SLC29A4: variants seen among roughly 807,000 people sequenced by gnomAD.
The protein encoded by SLC29A4 is equilibrative nucleoside transporter 4.
Under a neutral mutation model 43.9 loss-of-function variants are expected in SLC29A4, and 36 were observed. The observed-to-expected ratio is 0.82, with a 90% CI of 0.63 to 1.08. The LOEUF is 1.08. SLC29A4 is among the 50% of genes least tolerant of loss of function. The probability of loss-of-function intolerance (pLI) is 0.00; values close to 1 mark genes in which losing one functional copy is unlikely to be tolerated. For missense variants in SLC29A4, 869 were observed against 755.3 expected (o/e 1.15, Z -1.77); for synonymous variants, 491 against 338.0 (o/e 1.45, Z -4.97).
intron 1 of SLC29A4, among the ~76,000 whole-genome samples, chr7:5,284,767 A>G (rs888302668): frequency 6.6e-6 from 1 of 152,122 alleles, no homozygotes; most frequent in African/African-American, 2.4e-5. Flanking sequence ...CAAGCCGGGC[A>G]GTGTGGGTGG....
At position 5,306,664 on chromosome 7, in the gene SLC29A4, C is replaced by T. The variant is rs539675465; in HGVS notation, c.*3725C>T. Reference sequence around the variant, plus strand: ...GCTCATTTAGATGGCTGCATGGGGTCACCGCCCCTGCACGCGTGGCACCCA... The same window carrying T: ...GCTCATTTAGATGGCTGCATGGGGTTACCGCCCCTGCACGCGTGGCACCCA... On this transcript the variant is annotated 3_prime_UTR_variant, in exon 11 of 11. Transcript: ENST00000396872. 1 of 152,256 alleles carries T rather than the reference C, an allele frequency of 6.6e-6. No individual in the cohort carries two copies. The highest frequency in any genetic ancestry group is 1.9e-4 in the East Asian group (1 of 5,168). 9.4% of individuals were successfully genotyped at this position (152,256 alleles called of 1,614,324 possible).
Position 5,291,169 on chromosome 7 carries a change from C to T in SLC29A4, c.347C>T (p.Ala116Val), listed in dbSNP as rs757442875. Residue 116 changes from alanine to valine, a missense_variant, in exon 4 of 11, where the codon GCA becomes GTA. Ala to Val is a moderately conservative substitution (Grantham distance 64). Coordinates refer to ENST00000396872, the MANE Select transcript of SLC29A4 (RefSeq NM_153247.4). ...FDMSLTYILVALAAVLLNNVL... is the reference protein window; with the variant it reads ...FDMSLTYILVVLAAVLLNNVL... The stretch of plus-strand genomic sequence containing the variant: ...ATGAGCCTCACCTACATCTTGGTGG[C>T]ACTGGCAGCTGTCCTCCTGAACAAC... 6 of 1,613,902 alleles carry T rather than the reference C, an allele frequency of 3.7e-6. No individual in the cohort carries two copies. Among genetic ancestry groups the T allele is most frequent in the South Asian group, 1.1e-5 (1 of 91,078 alleles).
intron 5 of SLC29A4, among the ~76,000 whole-genome samples, chr7:5,294,634 T>A (rs1396768768): frequency 6.6e-6 from 1 of 152,140 alleles, no homozygotes; most frequent in Non-Finnish European, 1.5e-5. Context: ...TAGTGACGTG[T>A]CATTTCTGCA....
rs1363763223 is a variant in SLC29A4 at position 5,303,076 on chromosome 7, G to A, written c.*137G>A. On this transcript the variant is annotated 3_prime_UTR_variant, in exon 11 of 11. Coordinates refer to ENST00000396872, the MANE Select transcript of SLC29A4 (RefSeq NM_153247.4). ...GTGCCAGCAGCCCCACTCCCTCAGG[G>A]TCCAGCCATGCCCCACCCTGGACTG... is the stretch of plus-strand genomic sequence containing the variant. 9 of 1,039,844 alleles carry A rather than the reference G, an allele frequency of 8.7e-6. No homozygotes were observed. Among genetic ancestry groups the A allele is most frequent in the Non-Finnish European group, 1.1e-5 (8 of 726,612 alleles). The allele number at this position is 1,039,844 out of a possible 1,614,324, so 64.4% of individuals were successfully genotyped here. A position where few individuals can be genotyped will look rare whatever the true frequency, so the allele number is the denominator to read the frequency against.
At chr7:5,289,529 A>T (rs1240425466) in intron 2 of SLC29A4, among the ~76,000 whole-genome samples, 2 of 152,176 alleles carry the variant, frequency 1.3e-5, no homozygotes, top group African/African-American at 2.4e-5. Context: ...GAAGTCCCCA[A>T]GGTCTCACCT....
In SLC29A4 at chr7:5,303,825, G is replaced by C. The variant is rs1005881955; in HGVS notation, c.*886G>C. On this transcript the variant is annotated 3_prime_UTR_variant, in exon 11 of 11. Transcript: ENST00000396872. ...TCCCTGGAACGTAGGGAGGGGCTGGGGGTCAGTCCAGCCCGGGCCTCCCAG... is the reference window on the plus strand; with the variant it reads ...TCCCTGGAACGTAGGGAGGGGCTGGCGGTCAGTCCAGCCCGGGCCTCCCAG... The C allele has an allele frequency of 6.6e-6, 1 of 152,248 alleles. No homozygotes were observed. Among genetic ancestry groups the C allele is most frequent in the African/African-American group, 2.4e-5 (1 of 41,448 alleles). The allele number at this position is 152,248 out of a possible 1,614,324, so 9.4% of individuals were successfully genotyped here.
At position 5,296,979 on chromosome 7, in the gene SLC29A4, G is replaced by A. The variant is rs1190784223; in HGVS notation, c.663G>A (p.Lys221=). 6.2e-7 allele frequency: 1 copy of A among 1,601,886 alleles called. No individual in the cohort carries two copies. Among genetic ancestry groups the A allele is most frequent in the African/African-American group, 1.3e-5 (1 of 74,764 alleles). ...TCTCTCTGAGCCGCATCCTCACGAAGCTGCTGCTGCCCGACGAGCGCGCCA... is the reference window on the plus strand; with the variant it reads ...TCTCTCTGAGCCGCATCCTCACGAAACTGCTGCTGCCCGACGAGCGCGCCA... ...VMISLSRILT[K]LLLPDERAST... The change falls in exon 7 of 11, where the codon AAG becomes AAA. Residue 221 remains lysine, a synonymous_variant. Coordinates refer to ENST00000396872, the MANE Select transcript of SLC29A4 (RefSeq NM_153247.4).
Position 5,287,987 on chromosome 7 carries a change from TAAG to T in SLC29A4, c.169+3_169+5del, listed in dbSNP as rs1159981271. 1 of 1,605,468 alleles carries T rather than the reference TAAG, an allele frequency of 6.2e-7. No individual in the cohort carries two copies. Among genetic ancestry groups the T allele is most frequent in the Non-Finnish European group, 8.5e-7 (1 of 1,177,084 alleles). ...GCGTCCCAGCTTTCACGGATACTAG[TAAG>T]TAGGCGTGCGGGCAAGGTGCGGGTC... On this transcript the variant is annotated splice_donor_5th_base_variant and intron_variant, in intron 2 of 10. Coordinates refer to ENST00000396872, the MANE Select transcript of SLC29A4 (RefSeq NM_153247.4).
At chr7:5,300,794 G>A (rs1282998005) in intron 10 of SLC29A4, 132 bp downstream of exon 10, 23 of 1,255,884 alleles carry the variant, frequency 1.8e-5, no homozygotes, top group Non-Finnish European at 2.5e-5. Context: ...GTGTCTGGGA[G>A]GCCGTAGGTG....
In SLC29A4 at chr7:5,305,142, A is replaced by G. The variant is rs185090252; in HGVS notation, c.*2203A>G. On this transcript the variant is annotated 3_prime_UTR_variant, in exon 11 of 11. Coordinates refer to ENST00000396872, the MANE Select transcript of SLC29A4 (RefSeq NM_153247.4). ...GTTCTGTCCTTAGCTTCCCCAAGGA[A>G]TGGGGCTGGTCCAGGTTTTGATGTG... 1.3e-5 allele frequency: 2 copies of G among 152,346 alleles called. No homozygotes were observed. The highest frequency in any genetic ancestry group is 1.9e-4 in the East Asian group (1 of 5,180). 9.4% of individuals were successfully genotyped at this position (152,346 alleles called of 1,614,324 possible).
rs1785068149 is a variant in SLC29A4, at chr7:5,288,006, G to C, written c.169+21G>C. On this transcript the variant is annotated intron_variant, in intron 2 of 10. Coordinates refer to ENST00000396872, the MANE Select transcript of SLC29A4 (RefSeq NM_153247.4). ...TACTAGTAAGTAGGCGTGCGGGCAA[G>C]GTGCGGGTCTTGCCCCAAAGCAGGC... 3 of 1,593,444 alleles carry C rather than the reference G, an allele frequency of 1.9e-6. No individual in the cohort carries two copies. The East Asian group carries it at 6.7e-5, about 36-fold the overall frequency.
chr7:5,298,396 G>T (rs1425859781), intron 7 of SLC29A4, among the ~76,000 whole-genome samples: 1 of 152,152 alleles, frequency 6.6e-6, no homozygotes, highest in Non-Finnish European at 1.5e-5. Flanking sequence ...TTGGAGGAGG[G>T]GAAAAGCAGA....
At chr7:5,301,880 G>C (rs1206061297) in intron 10 of SLC29A4, among the ~76,000 whole-genome samples, 2 of 152,180 alleles carry the variant, frequency 1.3e-5, no homozygotes, top group Non-Finnish European at 2.9e-5. Context: ...TTTGGGACTT[G>C]GTACGTTCCA....
In SLC29A4 at chr7:5,294,879, C is replaced by A; in HGVS notation, c.564C>A (p.Tyr188Ter). 6.2e-7 allele frequency: 1 copy of A among 1,612,138 alleles called. No individual in the cohort carries two copies. The highest frequency in any genetic ancestry group is 1.1e-5 in the South Asian group (1 of 90,980). The change falls in exon 6 of 11, where the codon TAC becomes TAA. Residue 188 changes from tyrosine to a stop codon, truncating the protein, a stop_gained. Coordinates refer to ENST00000396872, the MANE Select transcript of SLC29A4 (RefSeq NM_153247.4). LOFTEE classifies it high-confidence loss of function. ...CTTAAGTGCAGCAATCCAGCTTCTA[C>A]GGGTACACGGGGATGCTGCCCAAGC... The part of the protein sequence containing the change: ...FGCTVQQSSF[Y>*]GYTGMLPKRY...
intron 1 of SLC29A4, among the ~76,000 whole-genome samples, 178 bp downstream of exon 1, chr7:5,283,260 C>T (rs1188267227): frequency 2.6e-5 from 4 of 151,554 alleles, no homozygotes; most frequent in South Asian, 4.1e-4. Context: ...GCGGCCCAGC[C>T]CCCCGCGCCC....
rs1786092987 is a variant in SLC29A4 at position 5,300,641 on chromosome 7, C to T, written c.1429C>T (p.Pro477Ser). ...GATCCTGGCGGCAGGCAAAGTGAGC[C>T]CCAAGCAGCGGGAGCTGGCAGGTGA... ...PMILAAGKVS[P>S]KQRELAGNTM... The change falls in exon 10 of 11, where the codon CCC (proline) becomes TCC (serine). Residue 477 changes from proline (P) to serine (S), a missense_variant. Physicochemically the swap from Pro to Ser is moderately conservative, Grantham distance 74 (BLOSUM62 -1). Coordinates refer to ENST00000396872, the MANE Select transcript of SLC29A4 (RefSeq NM_153247.4). The T allele has an allele frequency of 6.2e-7, 1 of 1,609,386 alleles. No individual in the cohort carries two copies. The highest frequency in any genetic ancestry group is 8.5e-7 in the Non-Finnish European group (1 of 1,178,858).
Position 5,291,210 on chromosome 7 carries a change from C to G in SLC29A4, c.388C>G (p.Leu130Val). 13 of 1,613,082 alleles carry G rather than the reference C, an allele frequency of 8.1e-6. No individual in the cohort carries two copies. Among genetic ancestry groups the G allele is most frequent in the Non-Finnish European group, 1.0e-5 (12 of 1,179,994 alleles). Reference sequence around the variant, plus strand: ...CCTGAACAACGTCCTGGTGGAGAGACTGACCCTGCACACCAGGATCACCGC... The same window carrying G: ...CCTGAACAACGTCCTGGTGGAGAGAGTGACCCTGCACACCAGGATCACCGC... ...VLLNNVLVERLTLHTRITAGY... is the reference protein window; with the variant it reads ...VLLNNVLVERVTLHTRITAGY... Residue 130 changes from leucine to valine, a missense_variant, in exon 4 of 11, where the codon CTG becomes GTG. Physicochemically the swap from Leu to Val is conservative, Grantham distance 32. Coordinates refer to ENST00000396872, the MANE Select transcript of SLC29A4 (RefSeq NM_153247.4).
chr7:5,301,942 C>T (rs558923176), intron 10 of SLC29A4, among the ~76,000 whole-genome samples: 4 of 151,872 alleles, frequency 2.6e-5, no homozygotes, highest in South Asian at 2.1e-4. Context: ...AGCTGCAAGT[C>T]GGAGAGTGGA....
At chr7:5,295,761 C>G (rs1562449295) in intron 6 of SLC29A4, among the ~76,000 whole-genome samples, 1 of 91,042 alleles carries the variant, frequency 1.1e-5, no homozygotes, top group Non-Finnish European at 2.7e-5. Context: ...TGCCCCAGAG[C>G]TTCCAGACTC....
Sources: gnomAD v4.1 joint callset for allele counts (sites outside exome capture counted in the v4.1 genomes callset) on GRCh38, gnomAD v4.1.1 for gene constraint, MANE v1.5 for transcripts, NCBI Gene and HGNC (gene_info 2026-07-23, HGNC 2026-07-21) for gene names.